AIG1: variants seen among roughly 807,000 people sequenced by gnomAD.
AIG1 encodes the protein androgen-induced gene 1 protein.
AIG1 carries 23 observed loss-of-function variants against 31.4 expected under a neutral mutation model. That is an observed-to-expected ratio of 0.73 (90% CI 0.53 to 1.04). The LOEUF is 1.04. Among genes scored for constraint, AIG1 ranks in the 50% least tolerant of loss-of-function variants. The pLI is 0.00. For synonymous variants in AIG1, 100 were observed against 110.5 expected (o/e 0.90, Z 0.60); for missense variants, 274 against 295.0 (o/e 0.93, Z 0.52).
intron 3 of AIG1, among the ~76,000 whole-genome samples, chr6:143,283,511 TTCA>T (rs959198654): frequency 6.6e-6 from 1 of 152,258 alleles, no homozygotes; most frequent in Non-Finnish European, 1.5e-5. Context: ...ACGAAAGATG[TTCA>T]TCATGATGTT....
At chr6:143,264,826 A>C (rs1214000731) in intron 3 of AIG1, among the ~76,000 whole-genome samples, 1 of 152,174 alleles carries the variant, frequency 6.6e-6, no homozygotes, top group Non-Finnish European at 1.5e-5. Context: ...CACTGAACAC[A>C]CCAGCAAGTC....
At position 143,165,093 on chromosome 6, in the gene AIG1, A is replaced by AG; in HGVS notation, c.310dup (p.Val104GlyfsTer9). ...CTTTTTCCTTCCAGTTTGTTGTAGC[A>AG]GTGTTCTGGATCATTTATGCCTATG... On this transcript the variant is annotated frameshift_variant, in exon 3 of 6. Coordinates refer to ENST00000357847, the MANE Select transcript of AIG1 (RefSeq NM_016108.4). LOFTEE classifies it high-confidence loss of function. 3.1e-6 allele frequency: 5 copies of AG among 1,611,480 alleles called. No individual in the cohort carries two copies. The highest frequency in any genetic ancestry group is 3.4e-6 in the Non-Finnish European group (4 of 1,177,890).
Position 143,279,067 on chromosome 6 carries a change from A to G in AIG1, c.400-5043A>G, listed in dbSNP as rs1797160713. Among the ~76,000 whole-genome samples, 1 of 152,180 alleles carries G rather than the reference A, an allele frequency of 6.6e-6. No individual in the cohort carries two copies. Among genetic ancestry groups the G allele is most frequent in the Non-Finnish European group, 1.5e-5 (1 of 68,034 alleles). ...TTGTAGATTTTAAGCACTTTGTGTT[A>G]GTGAGTCCCTTCTTACATTAGTGTG... On this transcript the variant is annotated intron_variant, in intron 3 of 5. Transcript: ENST00000357847. This position sits in a 1 kb window ranked among gnomAD's most constrained non-coding sequence, Gnocchi z 5.4.
chr6:143,206,318 A>G (rs1445477744), intron 3 of AIG1, among the ~76,000 whole-genome samples: 1 of 152,200 alleles, frequency 6.6e-6, no homozygotes, highest in Non-Finnish European at 1.5e-5. Flanking sequence ...GTAGTTCTTA[A>G]TCTTTAACCA....
At chr6:143,122,421 AAAAGGAT>A (rs984590581) in intron 1 of AIG1, among the ~76,000 whole-genome samples, 1 of 152,222 alleles carries the variant, frequency 6.6e-6, no homozygotes, top group Admixed American at 6.5e-5. Flanking sequence ...AAAAAAAATC[AAAAGGAT>A]ATGCATCACT....
At chr6:143,146,985 G>A (rs1370718681) in intron 2 of AIG1, among the ~76,000 whole-genome samples, 3 of 152,162 alleles carry the variant, frequency 2.0e-5, no homozygotes, top group African/African-American at 4.8e-5. Context: ...GATGAGGAGA[G>A]GGCAGATGGT....
At chr6:143,145,057 C>G (rs1784591744) in intron 2 of AIG1, among the ~76,000 whole-genome samples, 1 of 152,174 alleles carries the variant, frequency 6.6e-6, no homozygotes, top group African/African-American at 2.4e-5. Context: ...TAGGGTCTCA[C>G]TGTGTTGCCT....
chr6:143,251,466 C>T (rs910168042), intron 3 of AIG1, among the ~76,000 whole-genome samples: 1 of 152,176 alleles, frequency 6.6e-6, no homozygotes, highest in Non-Finnish European at 1.5e-5. Flanking sequence ...ATCTTGAAAA[C>T]AAACACACCT....
chr6:143,123,565 T>C (rs1030397806), intron 1 of AIG1, among the ~76,000 whole-genome samples: 9 of 152,340 alleles, frequency 5.9e-5, no homozygotes, highest in African/African-American at 2.2e-4. Context: ...TATATCTTGC[T>C]TTTATTTTTC....
At chr6:143,277,006 G>A (rs750282518) in intron 3 of AIG1, among the ~76,000 whole-genome samples, 9 of 152,010 alleles carry the variant, frequency 5.9e-5, no homozygotes, top group African/African-American at 1.9e-4. Flanking sequence ...TGTATTCTTC[G>A]AACATTTGAC....
rs2303386 is a variant in AIG1, at chr6:143,333,488, C to T, written c.679+43C>T. The stretch of plus-strand genomic sequence containing the variant: ...GAACATAAAACAAGAGAATTACTGC[C>T]GGCAACAGTCTATGCAGAGACTGAG... On this transcript the variant is annotated intron_variant, in intron 5 of 5. Coordinates refer to ENST00000357847, the MANE Select transcript of AIG1 (RefSeq NM_016108.4). This position sits in a 1 kb window ranked among gnomAD's most constrained non-coding sequence, Gnocchi z 4.6. 665,897 of 1,595,688 alleles carry T rather than the reference C, an allele frequency of 0.42. 143,079 individuals carry two copies. The highest frequency in any genetic ancestry group is 0.6 in the Admixed American group (34,533 of 57,306).
rs1380411257 is a variant in AIG1 at position 143,279,238 on chromosome 6, T to G, written c.400-4872T>G. The stretch of plus-strand genomic sequence containing the variant: ...GCCCTGGCACTGTGGCTACTGTCCC[T>G]AAAGCATAGGTGGGTCAGCCCTGGC... On this transcript the variant is annotated intron_variant, in intron 3 of 5. Transcript: ENST00000357847. This position sits in a 1 kb window ranked among gnomAD's most constrained non-coding sequence, Gnocchi z 5.4. 6.6e-6 allele frequency among the ~76,000 whole-genome samples: 1 copy of G among 152,234 alleles called. No homozygotes were observed. Among genetic ancestry groups the G allele is most frequent in the Non-Finnish European group, 1.5e-5 (1 of 68,048 alleles).
chr6:143,320,420 G>A (rs531980910), intron 4 of AIG1, among the ~76,000 whole-genome samples: 13 of 152,244 alleles, frequency 8.5e-5, no homozygotes, highest in African/African-American at 3.1e-4. Context: ...TGTTTTTGCA[G>A]CATTATTCAC....
chr6:143,144,707 T>C (rs936614880), intron 2 of AIG1, among the ~76,000 whole-genome samples: 2 of 152,242 alleles, frequency 1.3e-5, no homozygotes, highest in African/African-American at 4.8e-5. Flanking sequence ...TCTATATGAA[T>C]TAGCCTCTCA....
chr6:143,121,171 G>A (rs191714727), intron 1 of AIG1, among the ~76,000 whole-genome samples: 101 of 152,312 alleles, frequency 6.6e-4, no homozygotes, highest in African/African-American at 2.2e-3. Flanking sequence ...TGAAGGCTGT[G>A]AGACCCCTGA....
chr6:143,334,050 A>T lies in AIG1; in HGVS notation c.679+605A>T. ...AAAAACTCTTTTAACCTGTGATTTG[A>T]TTTCTCTTTTGTTTCCATTTATGGC... is the stretch of plus-strand genomic sequence containing the variant. On this transcript the variant is annotated intron_variant, in intron 5 of 5. Transcript: ENST00000357847. This position sits in a 1 kb window ranked among gnomAD's most constrained non-coding sequence, Gnocchi z 5.1. 6.5e-7 allele frequency: 1 copy of T among 1,549,976 alleles called. No individual in the cohort carries two copies. The highest frequency in any genetic ancestry group is 1.2e-5 in the South Asian group (1 of 83,998).
At chr6:143,221,780 G>T (rs1192279795) in intron 3 of AIG1, among the ~76,000 whole-genome samples, 1 of 152,104 alleles carries the variant, frequency 6.6e-6, no homozygotes, top group Non-Finnish European at 1.5e-5. Flanking sequence ...CGTGCTTACA[G>T]CAGTGCCTCG....
intron 4 of AIG1, among the ~76,000 whole-genome samples, chr6:143,309,054 A>G (rs1466264646): frequency 6.6e-6 from 1 of 152,038 alleles, no homozygotes. Flanking sequence ...TTTTACTTAT[A>G]GAGAAAGAGG....
chr6:143,059,596 A>G (rs957654108), upstream of AIG1, among the ~76,000 whole-genome samples: 3 of 152,226 alleles, frequency 2.0e-5, no homozygotes, highest in African/African-American at 7.2e-5. Context: ...TTCTATTAGC[A>G]TAATTATAAT....
Sources: gnomAD v4.1 joint callset for allele counts (sites outside exome capture counted in the v4.1 genomes callset) on GRCh38, gnomAD v4.1.1 for gene constraint, Gnocchi (gnomAD v3.1) non-coding constraint, MANE v1.5 for transcripts, NCBI Gene and HGNC (gene_info 2026-07-23, HGNC 2026-07-21) for gene names.